Variants in BTBD8 observed in about 807,000 individuals in gnomAD.
BTBD8 encodes BTB domain containing 8.
A neutral mutation model predicts 162.9 loss-of-function variants in BTBD8; 110 were observed. The observed-to-expected ratio is 0.68, with a 90% CI of 0.58 to 0.79. BTBD8 has a LOEUF of 0.79. Among genes scored for constraint, BTBD8 ranks in the 30% least tolerant of loss-of-function variants. The pLI is 0.00. For synonymous variants in BTBD8, 667 were observed against 716.1 expected, an observed-to-expected ratio of 0.93 and a Z score of 1.10; for missense variants, 1,905 against 2,085.4, an observed-to-expected ratio of 0.91 and a Z score of 1.68.
At position 92,121,679 on chromosome 1, in the gene BTBD8, T is replaced by G. The variant is rs531507194; in HGVS notation, c.663-8008T>G. ...TTTAACTTCCACTGTAAGCAAAATA[T>G]AGTGAATTTTCGTCAACTAAAAAGT... On this transcript the variant is annotated intron_variant, in intron 4 of 17. Transcript: ENST00000636805. Among the ~76,000 whole-genome samples, 24 of 152,282 alleles carry G rather than the reference T, an allele frequency of 1.6e-4. No individual in the cohort carries two copies. In the South Asian group the frequency reaches 4.8e-3, roughly 30 times the overall value.
chr1:92,181,907 G>T lies in BTBD8; in HGVS notation c.4224G>T (p.Gln1408His), dbSNP rs1245041256. Residue 1408 changes from glutamine to histidine, a missense_variant, in exon 17 of 18, where the codon CAG becomes CAT. Transcript: ENST00000636805. ...CTATATCTAACCCAGCTCCTCAGCAGTTTCAGGGAATAATTAATTTAGCTT... is the reference window on the plus strand; with the variant it reads ...CTATATCTAACCCAGCTCCTCAGCATTTTCAGGGAATAATTAATTTAGCTT... The part of the protein sequence containing the change: ...NFSISNPAPQ[Q>H]FQGIINLAFE... 6.4e-7 allele frequency: 1 copy of T among 1,551,546 alleles called. No individual in the cohort carries two copies. The highest frequency in any genetic ancestry group is 8.7e-7 in the Non-Finnish European group (1 of 1,146,952).
intron 2 of BTBD8, among the ~76,000 whole-genome samples, chr1:92,096,631 A>G (rs1250426390): frequency 6.6e-6 from 1 of 151,548 alleles, no homozygotes; most frequent in African/African-American, 2.4e-5. Flanking sequence ...GCTCACTGTA[A>G]CCTTGAATGC....
chr1:92,153,571 T>A (rs1650094710), intron 9 of BTBD8, among the ~76,000 whole-genome samples: 1 of 152,192 alleles, frequency 6.6e-6, no homozygotes, highest in Non-Finnish European at 1.5e-5. Context: ...ATTCTCTGAT[T>A]CTATGAGTTT....
chr1:92,093,274 C>A (rs1648363329), intron 2 of BTBD8, among the ~76,000 whole-genome samples: 1 of 145,176 alleles, frequency 6.9e-6, no homozygotes, highest in Admixed American at 7.3e-5. Context: ...CTCACTGCAA[C>A]CTTCACCTCC....
At chr1:92,086,630 C>CA (rs1055306738) in intron 1 of BTBD8, among the ~76,000 whole-genome samples, 136 of 135,870 alleles carry the variant, frequency 1.0e-3, no homozygotes, top group African/African-American at 2.1e-3. Context: ...GACTCTGTCT[C>CA]AAAAAAAAAA....
chr1:92,138,372 T>C (rs1649683557), intron 5 of BTBD8, among the ~76,000 whole-genome samples: 1 of 152,270 alleles, frequency 6.6e-6, no homozygotes, highest in Non-Finnish European at 1.5e-5. Flanking sequence ...AAGGTGTCAC[T>C]ATCTCTCATA....
Position 92,138,354 on chromosome 1 carries a change from G to A in BTBD8, c.753-996G>A, listed in dbSNP as rs143078437. 2.3e-3 allele frequency among the ~76,000 whole-genome samples: 352 copies of A among 152,206 alleles called. 1 individual carries two copies. The highest frequency in any genetic ancestry group is 8.1e-3 in the African/African-American group (335 of 41,514). ...CAAATTTTGTGTATATTGAACCATCGGAAAGCAAAGGTGTCACTATCTCTC... is the reference window on the plus strand; with the variant it reads ...CAAATTTTGTGTATATTGAACCATCAGAAAGCAAAGGTGTCACTATCTCTC... On this transcript the variant is annotated intron_variant, in intron 5 of 17. Transcript: ENST00000636805.
chr1:92,159,955 C>T (rs893760479), intron 9 of BTBD8, among the ~76,000 whole-genome samples: 34 of 152,148 alleles, frequency 2.2e-4, no homozygotes, highest in South Asian at 4.2e-4. Flanking sequence ...GGGAAGTTTT[C>T]GGCCATTATT....
chr1:92,145,430 A>C (rs1479271226), intron 7 of BTBD8, among the ~76,000 whole-genome samples: 5 of 152,204 alleles, frequency 3.3e-5, no homozygotes, highest in Admixed American at 2.6e-4. Context: ...GAGAGAGGAG[A>C]TCTTCAGAAA....
At chr1:92,140,108 C>CA (rs66840540) in intron 6 of BTBD8, among the ~76,000 whole-genome samples, 1,157 of 109,334 alleles carry the variant, frequency 0.011, 13 homozygotes, top group African/African-American at 0.034. Context: ...GACTCTGTCT[C>CA]AAAAAAAAAA....
chr1:92,107,674 A>AT (rs1648769969), intron 3 of BTBD8, among the ~76,000 whole-genome samples: 1 of 152,206 alleles, frequency 6.6e-6, no homozygotes, highest in Non-Finnish European at 1.5e-5. Flanking sequence ...ATGCATGACT[A>AT]TATCTATATT....
At chr1:92,128,620 A>G (rs1173603868) in intron 4 of BTBD8, among the ~76,000 whole-genome samples, 1 of 151,020 alleles carries the variant, frequency 6.6e-6, no homozygotes, top group Non-Finnish European at 1.5e-5. Flanking sequence ...GGGTTTCATC[A>G]TATTGGCCAG....
In BTBD8 at chr1:92,139,932, C is replaced by CAAAAAAAAAAAAAA. The variant is rs748883480; in HGVS notation, c.833+520_833+533dup. 1.4e-3 allele frequency: 26 copies of CAAAAAAAAAAAAAA among 18,218 alleles called. 1 individual carries two copies. The highest frequency in any genetic ancestry group is 1.9e-3 in the East Asian group (1 of 540). 1.1% of individuals were successfully genotyped at this position (18,218 alleles called of 1,614,324 possible). On this transcript the variant is annotated intron_variant, in intron 6 of 17. Transcript: ENST00000636805. ...TGAAACCTCGTCTCTACTAAAAATA[C>CAAAAAAAAAAAAAA]AAAAAAAAAAAAAAAAAAAAAAAAA...
At chr1:92,124,454 A>C (rs1350852071) in intron 4 of BTBD8, among the ~76,000 whole-genome samples, 1 of 152,242 alleles carries the variant, frequency 6.6e-6, no homozygotes. Context: ...AGCACTTAGA[A>C]TAGTGCGGAG....
Position 92,168,981 on chromosome 1 carries a change from A to C in BTBD8, c.1559A>C (p.Gln520Pro). 1 of 1,530,354 alleles carries C rather than the reference A, an allele frequency of 6.5e-7. No homozygotes were observed. Among genetic ancestry groups the C allele is most frequent in the Non-Finnish European group, 8.8e-7 (1 of 1,130,998 alleles). 94.8% of individuals were successfully genotyped at this position (1,530,354 alleles called of 1,614,324 possible). Reference protein sequence around the residue: ...SWKLMSTDDQQKIQAAAFDKG... With the variant: ...SWKLMSTDDQPKIQAAAFDKG... ...AAGCTGATGAGCACAGATGATCAAC[A>C]GAAAATCCAAGCAGGTACGTTAGCC... The change falls in exon 12 of 18, where the codon CAG becomes CCG. Residue 520 changes from glutamine to proline, a missense_variant. Physicochemically the swap from Gln to Pro is moderately conservative, Grantham distance 76 (BLOSUM62 -1). Coordinates refer to ENST00000636805, the MANE Select transcript of BTBD8 (RefSeq NM_001376131.1).
chr1:92,168,234 T>C (rs1470521441), intron 11 of BTBD8, among the ~76,000 whole-genome samples: 1 of 152,138 alleles, frequency 6.6e-6, no homozygotes, highest in Non-Finnish European at 1.5e-5. Context: ...ATTTTAAATT[T>C]AGTGTGATAT....
intron 5 of BTBD8, among the ~76,000 whole-genome samples, chr1:92,133,499 T>A (rs1428048269): frequency 2.0e-5 from 3 of 152,230 alleles, no homozygotes; most frequent in Non-Finnish European, 4.4e-5. Flanking sequence ...ACTGTGCCAC[T>A]GTTGCATGTC....
At chr1:92,149,383 A>G (rs1208024467) in intron 9 of BTBD8, among the ~76,000 whole-genome samples, 4 of 152,162 alleles carry the variant, frequency 2.6e-5, no homozygotes, top group Non-Finnish European at 4.4e-5. Flanking sequence ...TTTAGAAGGA[A>G]AGGGTTAGCA....
At chr1:92,104,835 G>A (rs1648682412) in intron 3 of BTBD8, among the ~76,000 whole-genome samples, 1 of 151,804 alleles carries the variant, frequency 6.6e-6, no homozygotes, top group Non-Finnish European at 1.5e-5. Flanking sequence ...TTTTACTGAT[G>A]TATCATTTTT....
Sources: gnomAD v4.1 joint callset for allele counts (sites outside exome capture counted in the v4.1 genomes callset) on GRCh38, gnomAD v4.1.1 for gene constraint, MANE v1.5 for transcripts, NCBI Gene and HGNC (gene_info 2026-07-23, HGNC 2026-07-21) for gene names.